Variants in RNGTT observed in about 807,000 individuals in gnomAD.
RNGTT encodes mRNA-capping enzyme.
Under a neutral mutation model 79.3 loss-of-function variants are expected in RNGTT, and 33 were observed. The observed-to-expected ratio is 0.42, with a 90% CI of 0.32 to 0.56. The LOEUF (loss-of-function observed/expected upper bound fraction) is 0.56. RNGTT is among the 20% of genes least tolerant of loss of function. The pLI is 0.17. For missense variants in RNGTT, 497 were observed against 739.1 expected (o/e 0.67, Z 3.80); for synonymous variants, 222 against 235.9 (o/e 0.94, Z 0.54).
In RNGTT at chr6:88,831,415, G is replaced by A. The variant is rs190579219; in HGVS notation, c.1269+12942C>T. Among the ~76,000 whole-genome samples the A allele has an allele frequency of 2.6e-3, 389 of 152,140 alleles. 1 individual carries two copies. The highest frequency in any genetic ancestry group is 9.0e-3 in the African/African-American group (372 of 41,510). ...CTCTTCATGCTAAAACCTCTCAATA[G>A]ACTAGGTACTGATGGAACTTATCTC... On this transcript the variant is annotated intron_variant, in intron 11 of 15. Transcript: ENST00000369485.
intron 4 of RNGTT, among the ~76,000 whole-genome samples, chr6:88,909,245 T>C (rs1783756189): frequency 6.6e-6 from 1 of 152,126 alleles, no homozygotes; most frequent in African/African-American, 2.4e-5. Flanking sequence ...GCCAGTCTGG[T>C]TGCGCCTGCT....
chr6:88,656,430 A>T (rs1250399498), intron 14 of RNGTT, among the ~76,000 whole-genome samples: 2 of 152,182 alleles, frequency 1.3e-5, no homozygotes, highest in African/African-American at 4.8e-5. Context: ...ATAATCAAGC[A>T]TGTTTAAAAT....
rs1268056497 is a variant in RNGTT, at chr6:88,947,087, G to A, written c.65-5907C>T. 2.6e-4 allele frequency among the ~76,000 whole-genome samples: 3 copies of A among 11,366 alleles called. No individual in the cohort carries two copies. The South Asian group carries it at 5.5e-3, about 21-fold the overall frequency. The allele number at this position is 11,366 out of a possible 152,430, so 7.5% of individuals were successfully genotyped here. ...CCACCCCGTCTGGGAAGTGAGGAGT[G>A]TCTCTGCCTGGCCGCCCATCGTCTG... On this transcript the variant is annotated intron_variant, in intron 1 of 15. Transcript: ENST00000369485.
chr6:88,930,773 CCAAG>C (rs1171740673), intron 2 of RNGTT, among the ~76,000 whole-genome samples: 1 of 151,932 alleles, frequency 6.6e-6, no homozygotes, highest in East Asian at 1.9e-4. Context: ...TCTCATCTAC[CCAAG>C]AGCTAAGGAG....
At chr6:88,851,954 A>G (rs1781688070) in intron 9 of RNGTT, among the ~76,000 whole-genome samples, 1 of 152,056 alleles carries the variant, frequency 6.6e-6, no homozygotes, top group Non-Finnish European at 1.5e-5. Context: ...GTAGATGGTT[A>G]AATATCTAAT....
Position 88,937,957 on chromosome 6 carries a change from G to A in RNGTT, c.174+3114C>T, listed in dbSNP as rs193181109. On this transcript the variant is annotated intron_variant, in intron 2 of 15. Transcript: ENST00000369485. ...AGGCTTGTTTTGTGTCCTAACATAT[G>A]GTCTATCCTAGAGATTGTTCCATTT... is the stretch of plus-strand genomic sequence containing the variant. Among the ~76,000 whole-genome samples the A allele has an allele frequency of 1.1e-3, 169 of 152,192 alleles. 1 individual carries two copies. In the Middle Eastern group the frequency reaches 0.014, roughly 12 times the overall value.
Position 88,782,052 on chromosome 6 carries a change from T to G in RNGTT, c.1339-12178A>C, listed in dbSNP as rs559081167. ...CAAAGACCACCTCCCCGTGCCCACT[T>G]ACCTAGCCTTATTCATCCTCTCTAG... On this transcript the variant is annotated intron_variant, in intron 12 of 15. Transcript: ENST00000369485. 5.3e-4 allele frequency among the ~76,000 whole-genome samples: 80 copies of G among 152,132 alleles called. 1 individual carries two copies. Among genetic ancestry groups the G allele is most frequent in the African/African-American group, 1.9e-3 (78 of 41,422 alleles).
At chr6:88,662,617 C>G (rs1030879042) in intron 14 of RNGTT, among the ~76,000 whole-genome samples, 1 of 152,204 alleles carries the variant, frequency 6.6e-6, no homozygotes, top group Non-Finnish European at 1.5e-5. Flanking sequence ...GACCTGGAAG[C>G]GAGGTGATTA....
At chr6:88,855,725 G>C (rs13218020) in intron 8 of RNGTT, among the ~76,000 whole-genome samples, 18,577 of 152,082 alleles carry the variant, frequency 0.12, 1,258 homozygotes, top group Middle Eastern at 0.21. Context: ...TGGACTGACT[G>C]TGTATCTGAA....
intron 14 of RNGTT, among the ~76,000 whole-genome samples, chr6:88,677,552 G>T (rs1309298543): frequency 1.3e-5 from 2 of 151,268 alleles, no homozygotes; most frequent in African/African-American, 2.4e-5. Flanking sequence ...CTGCAACCTT[G>T]ACCTCCCAGG....
chr6:88,853,522 A>T (rs918319231), intron 9 of RNGTT, 107 bp downstream of exon 9: 2 of 835,566 alleles, frequency 2.4e-6, no homozygotes. Context: ...AAAAAAAAAA[A>T]GTTAGATTTC....
At chr6:88,938,783 G>A (rs571777104) in intron 2 of RNGTT, among the ~76,000 whole-genome samples, 6 of 152,216 alleles carry the variant, frequency 3.9e-5, no homozygotes, top group African/African-American at 9.6e-5. Flanking sequence ...ACTGTCTAAC[G>A]CATTTCTTAC....
At position 88,887,980 on chromosome 6, in the gene RNGTT, AGTG is replaced by A. The variant is rs1348232623; in HGVS notation, c.896+2512_896+2514del. ...AAAATTTTAAAAATTAGCTGGCCAT[AGTG>A]GTGCATGTCTGTAATCCCAGCGACT... On this transcript the variant is annotated intron_variant, in intron 8 of 15. Coordinates refer to ENST00000369485, the MANE Select transcript of RNGTT (RefSeq NM_003800.5). Among the ~76,000 whole-genome samples, 11 of 151,782 alleles carry A rather than the reference AGTG, an allele frequency of 7.2e-5. No homozygotes were observed. The East Asian group carries it at 2.2e-3, about 30-fold the overall frequency.
intron 11 of RNGTT, among the ~76,000 whole-genome samples, chr6:88,818,603 G>A (rs554060749): frequency 7.2e-5 from 11 of 152,156 alleles, no homozygotes; most frequent in Admixed American, 2.6e-4. Context: ...AGTTTATTTC[G>A]TCCATCAGGA....
chr6:88,696,480 A>G (rs2127798360), intron 13 of RNGTT, among the ~76,000 whole-genome samples: 1 of 152,292 alleles, frequency 6.6e-6, no homozygotes, highest in South Asian at 2.1e-4. Context: ...TACCTACAAA[A>G]GATGAGAGGG....
At chr6:88,838,004 A>G (rs766120616) in intron 11 of RNGTT, among the ~76,000 whole-genome samples, 1 of 152,226 alleles carries the variant, frequency 6.6e-6, no homozygotes, top group Non-Finnish European at 1.5e-5. Context: ...TTTACACTTA[A>G]TATGAATACC....
intron 4 of RNGTT, among the ~76,000 whole-genome samples, chr6:88,917,755 C>T (rs1331748520): frequency 1.3e-5 from 2 of 151,894 alleles, no homozygotes; most frequent in Non-Finnish European, 2.9e-5. Flanking sequence ...GGGTTGGTGG[C>T]GGTTGCCTGT....
At chr6:88,762,236 G>A (rs1778291326) in intron 13 of RNGTT, among the ~76,000 whole-genome samples, 1 of 152,116 alleles carries the variant, frequency 6.6e-6, no homozygotes, top group South Asian at 2.1e-4. Flanking sequence ...AGAAATACTT[G>A]GAAAACGAAT....
chr6:88,643,003 A>C (rs1348653286), intron 14 of RNGTT, among the ~76,000 whole-genome samples: 3 of 152,186 alleles, frequency 2.0e-5, no homozygotes, highest in African/African-American at 7.2e-5. Flanking sequence ...ATGCGCCTTG[A>C]CTTACAATAC....
Sources: allele counts gnomAD v4.1 joint callset (sites outside exome capture counted in the v4.1 genomes callset), GRCh38; gene constraint gnomAD v4.1.1; transcripts MANE v1.5; gene names NCBI Gene and HGNC (gene_info 2026-07-23, HGNC 2026-07-21).